Variants in BCAS1 observed in about 807,000 individuals in gnomAD.
BCAS1 encodes the protein breast carcinoma-amplified sequence 1.
Under a neutral mutation model 65.4 loss-of-function variants are expected in BCAS1, and 46 were observed. The observed-to-expected ratio is 0.70, with a 90% CI of 0.55 to 0.90. The LOEUF is 0.90. Ranked by LOEUF, BCAS1 falls within the 40% of genes least tolerant of loss-of-function variation. BCAS1 has a pLI of 0.00. For synonymous variants in BCAS1, 298 were observed against 293.5 expected (o/e 1.02, Z -0.16); for missense variants, 793 against 771.2 (o/e 1.03, Z -0.33).
In BCAS1 at chr20:54,058,091, C is replaced by T; in HGVS notation, c.136G>A (p.Glu46Lys). The change falls in exon 3 of 13, where the codon GAG becomes AAG. Residue 46 changes from glutamate to lysine, a missense_variant. Glu to Lys is a moderately conservative substitution (Grantham distance 56, BLOSUM62 1). Coordinates refer to ENST00000688948, the MANE Select transcript of BCAS1 (RefSeq NM_001366298.2). ...TTCCCAGAGTAGCACTGACCTTCCT[C>T]TAAGTGCTGAACTGTGTGGGTCGAC... ...VVSTHTVQHL[E>K]EVDLGISVKT... The T allele has an allele frequency of 1.9e-6, 3 of 1,613,332 alleles. No individual in the cohort carries two copies. The highest frequency in any genetic ancestry group is 1.7e-5 in the Admixed American group (1 of 59,932).
intron 3 of BCAS1, among the ~76,000 whole-genome samples, chr20:54,056,185 A>G (rs1349150863): frequency 6.6e-6 from 1 of 152,160 alleles, no homozygotes; most frequent in East Asian, 1.9e-4. Context: ...CTACAACAAA[A>G]ACAAAAAAGT....
At chr20:53,981,999 A>C (rs965489865) in intron 8 of BCAS1, among the ~76,000 whole-genome samples, 1 of 152,202 alleles carries the variant, frequency 6.6e-6, no homozygotes, top group South Asian at 2.1e-4. Flanking sequence ...GACATCATTC[A>C]CTGAGCACAT....
chr20:53,995,867 G>C, intron 5 of BCAS1, 25 bp downstream of exon 5: 2 of 1,570,950 alleles, frequency 1.3e-6, no homozygotes, highest in Non-Finnish European at 1.7e-6. Context: ...TAGAGTGGAG[G>C]GGAAAAGAGG....
chr20:54,035,291 T>A (rs2091878737), intron 3 of BCAS1, among the ~76,000 whole-genome samples: 1 of 149,026 alleles, frequency 6.7e-6, no homozygotes, highest in South Asian at 2.1e-4. Flanking sequence ...TCCCAGCTAC[T>A]TGGAGAGGCT....
intron 9 of BCAS1, among the ~76,000 whole-genome samples, chr20:53,974,797 C>G (rs887055319): frequency 1.3e-5 from 2 of 152,208 alleles, no homozygotes; most frequent in Non-Finnish European, 2.9e-5. Context: ...AGCACCATCC[C>G]TTTCGGGGAT....
chr20:54,058,028 T>A, intron 3 of BCAS1, 57 bp downstream of exon 3: 19 of 1,203,942 alleles, frequency 1.6e-5, no homozygotes, highest in Non-Finnish European at 2.1e-5. Context: ...GTAAACAGCA[T>A]CTGCAGACCC....
intron 4 of BCAS1, among the ~76,000 whole-genome samples, chr20:54,009,464 A>G (rs1032587566): frequency 2.0e-5 from 3 of 152,202 alleles, no homozygotes; most frequent in African/African-American, 7.2e-5. Context: ...CATAAATTTG[A>G]TAACGGGCAA....
At chr20:54,018,188 A>T (rs2091479626) in intron 4 of BCAS1, among the ~76,000 whole-genome samples, 1 of 152,068 alleles carries the variant, frequency 6.6e-6, no homozygotes, top group African/African-American at 2.4e-5. Context: ...TCTACTTTCT[A>T]TCTCAAAACT....
At chr20:53,967,721 T>A (rs2090072288) in intron 9 of BCAS1, among the ~76,000 whole-genome samples, 1 of 152,256 alleles carries the variant, frequency 6.6e-6, no homozygotes, top group Non-Finnish European at 1.5e-5. Context: ...CTGTACCTAG[T>A]GAGCTCGATT....
intron 3 of BCAS1, among the ~76,000 whole-genome samples, chr20:54,041,863 C>A (rs867408750): frequency 4.6e-5 from 3 of 65,058 alleles, no homozygotes; most frequent in African/African-American, 1.5e-4. Flanking sequence ...TGTGCCACTG[C>A]ACTCTAACCT....
intron 4 of BCAS1, among the ~76,000 whole-genome samples, chr20:54,011,093 T>C (rs932611432): frequency 1.3e-5 from 2 of 152,092 alleles, no homozygotes; most frequent in Admixed American, 6.6e-5. Context: ...AAAGAGATCG[T>C]GGACTTAAAC....
chr20:54,013,578 T>C (rs372678257), intron 4 of BCAS1, among the ~76,000 whole-genome samples: 1 of 152,216 alleles, frequency 6.6e-6, no homozygotes, highest in South Asian at 2.1e-4. Context: ...TGTATTTCCA[T>C]CTCTAAGAGT....
intron 3 of BCAS1, among the ~76,000 whole-genome samples, chr20:54,036,174 C>A (rs552127905): frequency 6.6e-6 from 1 of 150,768 alleles, no homozygotes; most frequent in South Asian, 2.1e-4. Context: ...GACAACAAAC[C>A]CCCATGACAC....
chr20:54,032,060 A>G (rs1256829076), intron 3 of BCAS1, among the ~76,000 whole-genome samples: 2 of 151,296 alleles, frequency 1.3e-5, no homozygotes, highest in Non-Finnish European at 3.0e-5. Flanking sequence ...AAATGTAAGA[A>G]AAAATGCTAA....
At chr20:54,028,312 G>GCAT (rs2091720751) in intron 4 of BCAS1, 80 bp downstream of exon 4, 1 of 1,457,346 alleles carries the variant, frequency 6.9e-7, no homozygotes, top group African/African-American at 1.4e-5. Context: ...CAGGGTGACT[G>GCAT]CATATGTGCA....
intron 4 of BCAS1, among the ~76,000 whole-genome samples, chr20:54,004,994 G>C (rs950530243): frequency 2.0e-5 from 3 of 152,208 alleles, no homozygotes; most frequent in African/African-American, 4.8e-5. Flanking sequence ...GCAGTACAGA[G>C]GAAGCATTCA....
chr20:54,041,599 G>A (rs1341208215), intron 3 of BCAS1, among the ~76,000 whole-genome samples: 1 of 152,082 alleles, frequency 6.6e-6, no homozygotes, highest in Non-Finnish European at 1.5e-5. Flanking sequence ...AAGAGCAGCT[G>A]TGGCTGGGTA....
chr20:54,069,675 C>T (rs559394294), intron 1 of BCAS1, among the ~76,000 whole-genome samples: 4 of 152,304 alleles, frequency 2.6e-5, no homozygotes, highest in East Asian at 1.9e-4. Flanking sequence ...CAGGTATTTA[C>T]GGGCAGTAGA....
rs556265087 is a variant in BCAS1, at chr20:54,054,937, CAT to C, written c.142+3146_142+3147del. ...TGCATACATGTATGTGAGACATACA[CAT>C]ATATGAGATATACCTATGCATATGT... On this transcript the variant is annotated intron_variant, in intron 3 of 12. Coordinates refer to ENST00000688948, the MANE Select transcript of BCAS1 (RefSeq NM_001366298.2). 6.8e-4 allele frequency among the ~76,000 whole-genome samples: 104 copies of C among 152,170 alleles called. 3 individuals are homozygous for C. In the South Asian group the frequency reaches 0.02, roughly 30 times the overall value.
Sources: gnomAD v4.1 joint callset for allele counts (sites outside exome capture counted in the v4.1 genomes callset) on GRCh38, gnomAD v4.1.1 for gene constraint, MANE v1.5 for transcripts, NCBI Gene and HGNC (gene_info 2026-07-23, HGNC 2026-07-21) for gene names.